The following CORIN variants were observed in gnomAD, a reference collection of about 807,000 sequenced individuals.
CORIN encodes atrial natriuretic peptide-converting enzyme.
A neutral mutation model predicts 125.3 loss-of-function variants in CORIN; 117 were observed. The ratio of observed to expected loss-of-function variants is 0.93; its 90% confidence interval spans 0.80 to 1.09. CORIN has a LOEUF of 1.09. CORIN is among the 50% of genes least tolerant of loss of function. The pLI, the probability that CORIN is intolerant of heterozygous loss-of-function variation, is 0.00. For synonymous variants in CORIN, 450 were observed against 466.4 expected, an observed-to-expected ratio of 0.96 and a Z score of 0.45; for missense variants, 1,253 against 1,306.7, an observed-to-expected ratio of 0.96 and a Z score of 0.63.
intron 3 of CORIN, 27 bp from the exon 4 acceptor site, chr4:47,763,613 A>C: frequency 6.4e-7 from 1 of 1,567,058 alleles, no homozygotes; most frequent in Non-Finnish European, 8.8e-7. Context: ...TGCACATTTA[A>C]GAGTGGACAC....
chr4:47,781,856 T>C (rs1274317512), intron 3 of CORIN, among the ~76,000 whole-genome samples: 1 of 151,820 alleles, frequency 6.6e-6, no homozygotes, highest in Non-Finnish European at 1.5e-5. Context: ...GAGAATCGCG[T>C]GAACCTGGAA....
At chr4:47,634,668 T>C (rs1197292280) in intron 16 of CORIN, among the ~76,000 whole-genome samples, 2 of 152,140 alleles carry the variant, frequency 1.3e-5, no homozygotes, top group African/African-American at 4.8e-5. Context: ...TTGTTGAAGA[T>C]ACAAATAAAA....
chr4:47,803,537 C>T (rs1354048526), intron 2 of CORIN, among the ~76,000 whole-genome samples: 2 of 152,038 alleles, frequency 1.3e-5, no homozygotes, highest in Non-Finnish European at 2.9e-5. Flanking sequence ...AATAGAGAAC[C>T]CAGAAACAAA....
At chr4:47,674,833 T>C (rs1724940860) in intron 9 of CORIN, among the ~76,000 whole-genome samples, 1 of 152,138 alleles carries the variant, frequency 6.6e-6, no homozygotes, top group Admixed American at 6.5e-5. Context: ...ATTCAAGAGA[T>C]TTGAGGGACA....
chr4:47,752,231 A>G lies in CORIN; in HGVS notation c.618-7648T>C, dbSNP rs576466629. On this transcript the variant is annotated intron_variant, in intron 4 of 21. Coordinates refer to ENST00000273857, the MANE Select transcript of CORIN (RefSeq NM_006587.4). ...CTTTGCTATTTTCATTGCACTTATC[A>G]CTATCCGCTAAACGAGTATTTATTA... is the stretch of plus-strand genomic sequence containing the variant. Among the ~76,000 whole-genome samples, 8 of 152,108 alleles carry G rather than the reference A, an allele frequency of 5.3e-5. No homozygotes were observed. In the East Asian group the frequency reaches 1.3e-3, roughly 26 times the overall value.
At chr4:47,626,882 TAAAC>T (rs1348047295) in intron 16 of CORIN, among the ~76,000 whole-genome samples, 2 of 152,188 alleles carry the variant, frequency 1.3e-5, no homozygotes, top group African/African-American at 2.4e-5. Context: ...TAAAATAAAA[TAAAC>T]AACACATAAA....
chr4:47,634,352 T>G (rs1722945806), intron 16 of CORIN, among the ~76,000 whole-genome samples: 2 of 152,088 alleles, frequency 1.3e-5, no homozygotes, highest in South Asian at 2.1e-4. Flanking sequence ...AAAATAAATC[T>G]TGGGCCGGGT....
rs1300388578 is a variant in CORIN, at chr4:47,652,567, T to C, written c.1843+986A>G. 6.6e-5 allele frequency: 10 copies of C among 152,242 alleles called. 1 individual carries two copies. Among genetic ancestry groups the C allele is most frequent in the Admixed American group, 6.5e-4 (10 of 15,290 alleles). 9.4% of individuals were successfully genotyped at this position (152,242 alleles called of 1,614,324 possible). ...AAAAACACTGTTTATTAAAGACCAT[T>C]GTCTGACTTCTATTCCCTAATACAT... On this transcript the variant is annotated intron_variant, in intron 13 of 21. Coordinates refer to ENST00000273857, the MANE Select transcript of CORIN (RefSeq NM_006587.4).
chr4:47,789,949 G>A (rs957083592), intron 2 of CORIN, among the ~76,000 whole-genome samples: 6 of 152,190 alleles, frequency 3.9e-5, no homozygotes, highest in African/African-American at 9.6e-5. Context: ...ATGAACCCGG[G>A]AGGTGGAGGT....
chr4:47,680,118 A>G (rs1293533834), intron 8 of CORIN, 23 bp downstream of exon 8: 2 of 1,533,458 alleles, frequency 1.3e-6, no homozygotes, highest in East Asian at 4.5e-5. Flanking sequence ...AATAAGCAAA[A>G]CAAACGTCCT....
At chr4:47,673,267 T>C (rs544096435) in intron 10 of CORIN, among the ~76,000 whole-genome samples, 2 of 151,796 alleles carry the variant, frequency 1.3e-5, no homozygotes, top group East Asian at 3.9e-4. Context: ...TCCCAGCTAC[T>C]TGGGAGGCTG....
At chr4:47,790,073 T>C (rs1447334728) in intron 2 of CORIN, 1 of 269,212 alleles carries the variant, frequency 3.7e-6, no homozygotes, top group Non-Finnish European at 5.7e-6. Context: ...GTAGAGTATT[T>C]ATTCTTCTAA....
chr4:47,791,854 G>A (rs976855648), intron 2 of CORIN, among the ~76,000 whole-genome samples: 1 of 152,160 alleles, frequency 6.6e-6, no homozygotes, highest in African/African-American at 2.4e-5. Flanking sequence ...TTACTCTGCT[G>A]AGAACACAAT....
rs538663290 is a variant in CORIN, at chr4:47,747,674, G to A, written c.618-3091C>T. On this transcript the variant is annotated intron_variant, in intron 4 of 21. Coordinates refer to ENST00000273857, the MANE Select transcript of CORIN (RefSeq NM_006587.4). ...TGGAATCATTGTCATTGACTCTTACGGTGGTCATTTTTCTACAGGAAAGCC... is the reference window on the plus strand; with the variant it reads ...TGGAATCATTGTCATTGACTCTTACAGTGGTCATTTTTCTACAGGAAAGCC... 5.9e-5 allele frequency among the ~76,000 whole-genome samples: 9 copies of A among 152,098 alleles called. No individual in the cohort carries two copies. In the South Asian group the frequency reaches 8.3e-4, roughly 14 times the overall value.
chr4:47,832,822 C>T (rs746193619), intron 1 of CORIN, among the ~76,000 whole-genome samples: 65 of 152,222 alleles, frequency 4.3e-4, no homozygotes, highest in Admixed American at 7.2e-4. Flanking sequence ...CAGCCTGCAA[C>T]GAAGGAGATC....
chr4:47,646,421 C>T (rs1198786340), intron 13 of CORIN, among the ~76,000 whole-genome samples: 6 of 152,164 alleles, frequency 3.9e-5, no homozygotes, highest in Non-Finnish European at 8.8e-5. Flanking sequence ...ATTTGTACAA[C>T]ATTAATGTAA....
chr4:47,629,257 C>T (rs1755273534), intron 16 of CORIN, among the ~76,000 whole-genome samples: 1 of 152,104 alleles, frequency 6.6e-6, no homozygotes, highest in African/African-American at 2.4e-5. Flanking sequence ...GGTGACATTT[C>T]ATTGTGATTT....
rs754133364 is a variant in CORIN, at chr4:47,623,891, T to G, written c.2365+8A>C. ...CATATCCCATTGCCACACCTCTAAT[T>G]CTCTCACCTTGTTTAGTACACAGAA... On this transcript the variant is annotated splice_region_variant and intron_variant, in intron 18 of 21. Transcript: ENST00000273857. 16 of 1,613,180 alleles carry G rather than the reference T, an allele frequency of 9.9e-6. No homozygotes were observed. Among genetic ancestry groups the G allele is most frequent in the Non-Finnish European group, 8.5e-6 (10 of 1,179,212 alleles).
intron 5 of CORIN, among the ~76,000 whole-genome samples, chr4:47,719,494 T>C (rs1006677151): frequency 1.3e-5 from 2 of 152,232 alleles, no homozygotes; most frequent in African/African-American, 4.8e-5. Context: ...ATTATTCTCC[T>C]TTACTTAAAT....
Sources: allele counts gnomAD v4.1 joint callset (sites outside exome capture counted in the v4.1 genomes callset), GRCh38; gene constraint gnomAD v4.1.1; transcripts MANE v1.5; gene names NCBI Gene and HGNC (gene_info 2026-07-23, HGNC 2026-07-21).